Variants in NCOR2 observed in about 807,000 individuals in gnomAD.
NCOR2 encodes the protein CTG repeat protein 26.
In NCOR2, 81 loss-of-function variants were observed where a neutral mutation model predicts 262.9. That is an observed-to-expected ratio of 0.31 (90% confidence interval 0.26 to 0.37). The LOEUF (loss-of-function observed/expected upper bound fraction) is 0.37, where lower values mean the gene tolerates loss of function less well. NCOR2 is among the 10% of genes least tolerant of loss of function. NCOR2 has a pLI of 1.00. For synonymous variants in NCOR2, 1,659 were observed against 1,559.3 expected (o/e 1.06, Z -1.51); for missense variants, 3,385 against 3,621.4 (o/e 0.93, Z 1.68).
At chr12:124,429,345 T>G in intron 10 of NCOR2, 1 of 495,978 alleles carries the variant, frequency 2.0e-6, no homozygotes. Context: ...CCCCTCCCTG[T>G]TGTGGCATCT....
At chr12:124,336,940 C>G in exon 38 of NCOR2, 2 of 1,550,626 alleles carry the variant, frequency 1.3e-6, no homozygotes, top group Non-Finnish European at 1.7e-6. Context: ...GCCGGGGCTC[C>G]GAGCCCTTGC....
chr12:124,362,432 G>A, intron 21 of NCOR2, 135 bp from the exon 24 acceptor site: 2 of 770,942 alleles, frequency 2.6e-6, no homozygotes, highest in African/African-American at 1.8e-5. Flanking sequence ...CCCAGGTGCG[G>A]CAAGAAAGGG....
exon 47 of NCOR2, chr12:124,325,392 C>CCCCCCCGGG: frequency 1.7e-6 from 2 of 1,152,250 alleles, no homozygotes; most frequent in Non-Finnish European, 2.2e-6. Context: ...CCCCCCCGCC[C>CCCCCCCGGG]TGTTCTGAGT....
chr12:124,506,610 C>A (rs977394257), intron 1 of NCOR2, among the ~76,000 whole-genome samples: 1 of 152,114 alleles, frequency 6.6e-6, no homozygotes, highest in African/African-American at 2.4e-5. Flanking sequence ...CGGCCCTCCC[C>A]ACTTGCGTAC....
chr12:124,441,404 C>T (rs1254993879), intron 7 of NCOR2, among the ~76,000 whole-genome samples: 1 of 152,178 alleles, frequency 6.6e-6, no homozygotes, highest in East Asian at 1.9e-4. Context: ...CCCACGAGTC[C>T]ATGTGATTAC....
intron 44 of NCOR2, among the ~76,000 whole-genome samples, chr12:124,328,150 CTG>C (rs2034850409): frequency 6.6e-6 from 1 of 151,788 alleles, no homozygotes; most frequent in Non-Finnish European, 1.5e-5. Flanking sequence ...GGGGAAGGGA[CTG>C]AGAGAGAGAA....
At chr12:124,544,452 G>A (rs2051479913) in intron 1 of NCOR2, among the ~76,000 whole-genome samples, 1 of 152,204 alleles carries the variant, frequency 6.6e-6, no homozygotes. Flanking sequence ...GGAGGGCGGG[G>A]GCACCATCCG....
At position 124,548,182 on chromosome 12, in the gene NCOR2, G is replaced by A. The variant is rs114095091; in HGVS notation, c.-164-12571C>T. 2.4e-3 allele frequency among the ~76,000 whole-genome samples: 370 copies of A among 152,272 alleles called. 1 individual carries two copies. The highest frequency in any genetic ancestry group is 8.6e-3 in the African/African-American group (357 of 41,554). ...CTAAACGTGCACTGAGCTGGGACCT[G>A]AATGGCAGCAAGGAGCCAGCTGTGT... is the stretch of plus-strand genomic sequence containing the variant. On this transcript the variant is annotated intron_variant, in intron 1 of 32. Coordinates refer to the NCOR2 transcript ENST00000458234. The surrounding 1 kb of genome is among the most constrained non-coding windows in gnomAD (Gnocchi z 5.1).
exon 47 of NCOR2, chr12:124,325,148 T>G: frequency 5.6e-6 from 1 of 177,174 alleles, no homozygotes. Flanking sequence ...CCCCGGCCCC[T>G]TCCCCTCCCT....
intron 41 of NCOR2, among the ~76,000 whole-genome samples, chr12:124,333,981 C>T (rs12830739): frequency 1.1e-4 from 16 of 148,368 alleles, no homozygotes; most frequent in Admixed American, 2.0e-4. Context: ...CGCATGTGTG[C>T]GGGTGTGCAT....
chr12:124,462,735 G>A (rs2046233187), intron 5 of NCOR2, among the ~76,000 whole-genome samples: 1 of 152,208 alleles, frequency 6.6e-6, no homozygotes, highest in Non-Finnish European at 1.5e-5. Context: ...AGCATGAGGA[G>A]TGCCAAAACC....
chr12:124,432,221 A>G lies in NCOR2; in HGVS notation c.883-1434T>C, dbSNP rs2043998963. The stretch of plus-strand genomic sequence containing the variant: ...CACAGAGTCACACATGTAGACACAC[A>G]ACAGACACACACACATCACACAGGC... On this transcript the variant is annotated intron_variant, in intron 8 of 46. Coordinates refer to ENST00000405201, the Ensembl canonical transcript of NCOR2. The surrounding 1 kb of genome is among the most constrained non-coding windows in gnomAD (Gnocchi z 5.1). Among the ~76,000 whole-genome samples the G allele has an allele frequency of 2.0e-5, 3 of 151,600 alleles. No individual in the cohort carries two copies. Among genetic ancestry groups the G allele is most frequent in the African/African-American group, 7.3e-5 (3 of 41,242 alleles).
Position 124,340,039 on chromosome 12 carries a change from G to T in NCOR2, c.5654C>A (p.Thr1885Asn), listed in dbSNP as rs367866393. ...CGTGGGCGTGCTGGGCTCCACAGCG[G>T]TGATGATACCCTTCATGCCTGTGTT... Residue 1885 changes from threonine (T) to asparagine (N), a missense_variant, in exon 37 of 47, where the codon ACC (threonine) becomes AAC (asparagine). Transcript: ENST00000405201. 3.0e-5 allele frequency: 49 copies of T among 1,612,606 alleles called. No homozygotes were observed. Among genetic ancestry groups the T allele is most frequent in the Non-Finnish European group, 4.2e-5 (49 of 1,179,986 alleles).
At chr12:124,545,721 T>G (rs1334286642) in intron 1 of NCOR2, among the ~76,000 whole-genome samples, 2 of 152,012 alleles carry the variant, frequency 1.3e-5, no homozygotes, top group Non-Finnish European at 2.9e-5. Flanking sequence ...TGGCCCCACA[T>G]ACTCCACAGA....
chr12:124,349,617 C>CAGGGAG (rs2037263133), intron 28 of NCOR2, among the ~76,000 whole-genome samples: 2 of 152,144 alleles, frequency 1.3e-5, no homozygotes, highest in Non-Finnish European at 1.5e-5. Context: ...ACACCTGCCG[C>CAGGGAG]TGCCTGCACT....
chr12:124,436,037 G>A (rs1418341707), intron 8 of NCOR2, among the ~76,000 whole-genome samples: 1 of 152,204 alleles, frequency 6.6e-6, no homozygotes, highest in African/African-American at 2.4e-5. Context: ...CATCCTCCTC[G>A]TCCTTACGCA....
chr12:124,486,242 TG>T, intron 2 of NCOR2, 198 bp downstream of exon 4: 1 of 706,948 alleles, frequency 1.4e-6, no homozygotes, highest in East Asian at 3.7e-5. Context: ...GCTGGAAGTC[TG>T]AGGGCCACGT....
At chr12:124,344,437 G>C (rs1219025480) in intron 32 of NCOR2, among the ~76,000 whole-genome samples, 160 bp downstream of exon 34, 1 of 152,204 alleles carries the variant, frequency 6.6e-6, no homozygotes, top group Non-Finnish European at 1.5e-5. Flanking sequence ...ACAGGGTTTG[G>C]AATCGGAGGC....
At chr12:124,546,085 C>T (rs567422232) in intron 1 of NCOR2, among the ~76,000 whole-genome samples, 1 of 152,210 alleles carries the variant, frequency 6.6e-6, no homozygotes, top group Non-Finnish European at 1.5e-5. Context: ...GCACAGGTCT[C>T]GTGATCTCAG....
Sources: allele counts gnomAD v4.1 joint callset (sites outside exome capture counted in the v4.1 genomes callset), GRCh38; gene constraint gnomAD v4.1.1; non-coding constraint Gnocchi (gnomAD v3.1); transcripts MANE v1.5; gene names NCBI Gene and HGNC (gene_info 2026-07-23, HGNC 2026-07-21).